Variants in ENG observed in about 807,000 individuals in gnomAD.
ENG encodes endoglin.
Under a neutral mutation model 71.0 loss-of-function variants are expected in ENG, and 17 were observed. The observed-to-expected ratio is 0.24, with a 90% CI of 0.16 to 0.36. The LOEUF (loss-of-function observed/expected upper bound fraction) is 0.36. Ranked by LOEUF, ENG falls within the 10% of genes least tolerant of loss-of-function variation. The pLI, the probability that ENG is intolerant of heterozygous loss-of-function variation, is 1.00. For missense variants in ENG, 749 were observed against 868.3 expected, an observed-to-expected ratio of 0.86 and a Z score of 1.73; for synonymous variants, 360 against 366.9, an observed-to-expected ratio of 0.98 and a Z score of 0.21.
At chr9:127,852,459 T>G (rs1829051405) in intron 1 of ENG, among the ~76,000 whole-genome samples, 1 of 152,142 alleles carries the variant, frequency 6.6e-6, no homozygotes, top group African/African-American at 2.4e-5. Flanking sequence ...ATGAGTTGGG[T>G]TGATGGTCTG....
intron 12 of ENG, 127 bp downstream of exon 12, chr9:127,817,993 A>C: frequency 6.7e-7 from 1 of 1,496,016 alleles, no homozygotes; most frequent in East Asian, 2.3e-5. Flanking sequence ...GCCAGGCCAC[A>C]TGCCTGATTA....
intron 5 of ENG, 143 bp downstream of exon 5, chr9:127,825,552 G>A (rs1178094711): frequency 9.7e-6 from 12 of 1,234,580 alleles, no homozygotes; most frequent in African/African-American, 1.5e-5. Context: ...AGGAGAAAGC[G>A]ACTGTGCTCT....
In ENG at chr9:127,815,524, GGCA is replaced by G; in HGVS notation, c.*155_*157del. On this transcript the variant is annotated 3_prime_UTR_variant, in exon 15 of 15. Transcript: ENST00000373203. ...GGTGTTCCAAGCCAGTGGCTGCACT[GGCA>G]GCAGGCCTCTGAGAGGGAGGCGGGA... 7.2e-7 allele frequency: 1 copy of G among 1,381,186 alleles called. No homozygotes were observed. The highest frequency in any genetic ancestry group is 9.6e-7 in the Non-Finnish European group (1 of 1,046,886). 85.6% of individuals were successfully genotyped at this position (1,381,186 alleles called of 1,614,324 possible).
At chr9:127,827,789 G>A (rs1308172625) in intron 3 of ENG, among the ~76,000 whole-genome samples, 1 of 151,974 alleles carries the variant, frequency 6.6e-6, no homozygotes, top group Non-Finnish European at 1.5e-5. Flanking sequence ...GCCGAGGCGG[G>A]TGGATCCCCT....
intron 3 of ENG, 44 bp downstream of exon 3, chr9:127,829,643 C>CCAT (rs749001259): frequency 9.2e-5 from 148 of 1,612,008 alleles, no homozygotes; most frequent in Non-Finnish European, 1.1e-4. Context: ...TAGGGACCTC[C>CCAT]CATGGCCAGA....
rs1830945291 is a variant in ENG at position 127,838,003 on chromosome 9, C to T, written c.219+5091G>A. Reference sequence around the variant, plus strand: ...CAAATGGCAGCCTCTGGCCCCAGTGCTTTCTCCTTCTCATCACTGTGGTTC... The same window carrying T: ...CAAATGGCAGCCTCTGGCCCCAGTGTTTTCTCCTTCTCATCACTGTGGTTC... On this transcript the variant is annotated intron_variant, in intron 2 of 14. Coordinates refer to ENST00000373203, the MANE Select transcript of ENG (RefSeq NM_001114753.3). The surrounding 1 kb of genome is among the most constrained non-coding windows in gnomAD (Gnocchi z 4.3). Among the ~76,000 whole-genome samples the T allele has an allele frequency of 6.6e-6, 1 of 152,138 alleles. No individual in the cohort carries two copies. The highest frequency in any genetic ancestry group is 1.5e-5 in the Non-Finnish European group (1 of 68,028).
chr9:127,843,991 G>A (rs1211426179), intron 1 of ENG, among the ~76,000 whole-genome samples: 3 of 148,586 alleles, frequency 2.0e-5, no homozygotes, highest in South Asian at 2.1e-4. Flanking sequence ...GGTTGGTCTC[G>A]AACTCCTGGC....
chr9:127,823,884 T>C (rs1292774918), intron 8 of ENG, among the ~76,000 whole-genome samples: 4 of 151,876 alleles, frequency 2.6e-5, no homozygotes, highest in African/African-American at 4.8e-5. Context: ...TTTCACCATG[T>C]TGGCCAGGCT....
intron 1 of ENG, among the ~76,000 whole-genome samples, chr9:127,852,636 T>G (rs1829057853): frequency 6.6e-6 from 1 of 152,028 alleles, no homozygotes; most frequent in Non-Finnish European, 1.5e-5. Flanking sequence ...TCTAATCGTT[T>G]TACACCCCTG....
chr9:127,819,268 A>G (rs1389330074), intron 10 of ENG: 1 of 335,554 alleles, frequency 3.0e-6, no homozygotes, highest in East Asian at 7.2e-5. Flanking sequence ...ATATTTATCA[A>G]GGAGGCACCA....
At chr9:127,820,125 G>A in intron 8 of ENG, 88 bp from the exon 9 acceptor site, 2 of 1,527,232 alleles carry the variant, frequency 1.3e-6, no homozygotes, top group Non-Finnish European at 1.8e-6. Context: ...CCACAACCCA[G>A]GGGTCCCAAG....
chr9:127,843,364 G>A (rs1023521391), intron 1 of ENG, 119 bp from the exon 2 acceptor site: 24 of 1,310,356 alleles, frequency 1.8e-5, no homozygotes, highest in Non-Finnish European at 2.2e-6. Flanking sequence ...CATCATCACA[G>A]CCACCTTATG....
At position 127,817,179 on chromosome 9, in the gene ENG, G is replaced by A. The variant is rs764262721; in HGVS notation, c.1711C>T (p.Arg571Cys). 3.0e-5 allele frequency: 49 copies of A among 1,614,076 alleles called. No homozygotes were observed. The Admixed American group carries it at 3.2e-4, about 10-fold the overall frequency. ...AGGTCAGGGCTGATGATGTTCAAGC[G>A]CATGAAGACAGTCCTATGGACTTCC... ...DQEVHRTVFM[R>C]LNIISPDLSG... The change falls in exon 13 of 15, where the codon CGC (arginine) becomes TGC (cysteine). Residue 571 changes from arginine (R) to cysteine (C), a missense_variant. Arg to Cys is a radical substitution (Grantham distance 180). Coordinates refer to ENST00000373203, the MANE Select transcript of ENG (RefSeq NM_001114753.3).
intron 2 of ENG, among the ~76,000 whole-genome samples, chr9:127,830,641 C>G (rs1830742319): frequency 6.6e-6 from 1 of 150,992 alleles, no homozygotes; most frequent in African/African-American, 2.4e-5. Flanking sequence ...GAATGACGCT[C>G]CGTCTCAAAA....
chr9:127,854,219 CG>C (rs1829094434), intron 1 of ENG, 69 bp downstream of exon 1: 1 of 1,490,482 alleles, frequency 6.7e-7, no homozygotes, highest in South Asian at 1.2e-5. Context: ...GGAAGGAGGC[CG>C]GGAATACTTG....
intron 2 of ENG, among the ~76,000 whole-genome samples, chr9:127,837,068 G>A (rs548178340): frequency 2.0e-5 from 3 of 152,276 alleles, no homozygotes; most frequent in South Asian, 4.1e-4. Context: ...GATTACAGGC[G>A]TGAGACACCA....
At chr9:127,840,561 GC>G (rs2131913604) in intron 2 of ENG, among the ~76,000 whole-genome samples, 1 of 152,290 alleles carries the variant, frequency 6.6e-6, no homozygotes, top group Admixed American at 6.5e-5. Context: ...TGTAAGCCAG[GC>G]CCCTGGGCCA....
intron 1 of ENG, among the ~76,000 whole-genome samples, chr9:127,853,823 C>G (rs1310384442): frequency 6.6e-6 from 1 of 152,244 alleles, no homozygotes; most frequent in African/African-American, 2.4e-5. Context: ...CCACTTCGCT[C>G]AGAGGCCCGA....
rs529051134 is a variant in ENG, at chr9:127,851,706, C to T, written c.67+2583G>A. On this transcript the variant is annotated intron_variant, in intron 1 of 14. Coordinates refer to ENST00000373203, the MANE Select transcript of ENG (RefSeq NM_001114753.3). ...CCAGCCTGGCCAACATGGTGAAACC[C>T]CGTCTCTACTAAAAATACAAAAATT... 7.1e-4 allele frequency among the ~76,000 whole-genome samples: 108 copies of T among 152,000 alleles called. 1 individual carries two copies. The highest frequency in any genetic ancestry group is 5.6e-3 in the South Asian group (27 of 4,798).
Sources: allele counts gnomAD v4.1 joint callset (sites outside exome capture counted in the v4.1 genomes callset), GRCh38; gene constraint gnomAD v4.1.1; non-coding constraint Gnocchi (gnomAD v3.1); transcripts MANE v1.5; gene names NCBI Gene and HGNC (gene_info 2026-07-23, HGNC 2026-07-21).